Variants in KCND3 observed in about 807,000 individuals in gnomAD.
KCND3 encodes the protein potassium voltage-gated channel subfamily D member 3.
A neutral mutation model predicts 51.1 loss-of-function variants in KCND3; 9 were observed. The ratio of observed to expected loss-of-function variants is 0.18; its 90% CI spans 0.11 to 0.31. The LOEUF (loss-of-function observed/expected upper bound fraction) is 0.31. Among genes scored for constraint, KCND3 ranks in the 10% least tolerant of loss-of-function variants. KCND3 has a pLI of 1.00. For missense variants in KCND3, 526 were observed against 903.8 expected (o/e 0.58, Z 5.36); for synonymous variants, 349 against 368.0 (o/e 0.95, Z 0.59).
At chr1:111,785,441 T>C in intron 3 of KCND3, among the ~76,000 whole-genome samples, 1 of 151,960 alleles carries the variant, frequency 6.6e-6, no homozygotes, top group East Asian at 1.9e-4. Context: ...AGGTAGGAGA[T>C]AGGTGTGTAT....
intron 2 of KCND3, among the ~76,000 whole-genome samples, chr1:111,921,836 C>A (rs887660166): frequency 4.6e-5 from 7 of 152,032 alleles, no homozygotes; most frequent in Non-Finnish European, 4.4e-5. Context: ...GAAAGGGGTA[C>A]CCTGGCCTTG....
In KCND3 at chr1:111,982,291, G is replaced by C. The variant is rs575658111; in HGVS notation, c.436C>G (p.Arg146Gly). ...YKDRKRENAE[R>G]LMDDNDSENN... ...TCCGAGTCGTTGTCGTCCATGAGCC[G>C]CTCGGCGTTCTCCCTCTTGCGGTCC... The change falls in exon 2 of 8, where the codon CGG (arginine) becomes GGG (glycine). Residue 146 changes from arginine (R) to glycine (G), a missense_variant. By Grantham distance (125) the Arg-to-Gly change is moderately radical (BLOSUM62 -2). This residue lies in a region of KCND3 where 159 missense variants were observed against 262.8 expected (regional missense o/e 0.61). Transcript: ENST00000302127. The surrounding 1 kb of genome is among the most constrained non-coding windows in gnomAD (Gnocchi z 8.5). 6.2e-7 allele frequency: 1 copy of C among 1,614,064 alleles called. No homozygotes were observed. Among genetic ancestry groups the C allele is most frequent in the African/African-American group, 1.3e-5 (1 of 75,024 alleles).
chr1:111,806,469 C>A (rs1355312650), intron 2 of KCND3, among the ~76,000 whole-genome samples: 1 of 152,242 alleles, frequency 6.6e-6, no homozygotes, highest in South Asian at 2.1e-4. Context: ...ACCTGGGGAC[C>A]ATTTGATTGG....
At chr1:111,966,545 C>G (rs936727596) in intron 2 of KCND3, among the ~76,000 whole-genome samples, 3 of 152,126 alleles carry the variant, frequency 2.0e-5, no homozygotes, top group Non-Finnish European at 4.4e-5. Flanking sequence ...GGTGAGGTCC[C>G]TGAGTGGTGG....
chr1:111,833,381 T>C (rs899610770), intron 2 of KCND3, among the ~76,000 whole-genome samples: 1 of 152,230 alleles, frequency 6.6e-6, no homozygotes, highest in African/African-American at 2.4e-5. Context: ...TATATCCTTA[T>C]TGAATGGCCT....
intron 2 of KCND3, among the ~76,000 whole-genome samples, chr1:111,892,464 T>C (rs1409198606): frequency 6.6e-6 from 1 of 152,188 alleles, no homozygotes; most frequent in Non-Finnish European, 1.5e-5. Flanking sequence ...TCATGTGTAA[T>C]AAGAGCTCAA....
chr1:111,934,664 C>T (rs1007199082), intron 2 of KCND3, among the ~76,000 whole-genome samples: 2 of 152,196 alleles, frequency 1.3e-5, no homozygotes, highest in Admixed American at 1.3e-4. Flanking sequence ...TATGTTTGTG[C>T]ATGTGTGTGC....
intron 2 of KCND3, among the ~76,000 whole-genome samples, chr1:111,791,851 G>A (rs1349075376): frequency 1.3e-5 from 2 of 152,166 alleles, no homozygotes; most frequent in Non-Finnish European, 2.9e-5. Flanking sequence ...GAAGGACCTG[G>A]TTTAAAAAGA....
At chr1:111,810,724 G>C in intron 2 of KCND3, among the ~76,000 whole-genome samples, 1 of 152,330 alleles carries the variant, frequency 6.6e-6, no homozygotes, top group East Asian at 1.9e-4. Flanking sequence ...CTGTCAGCTC[G>C]AGGCTTTAAT....
At chr1:111,987,775 C>T (rs1011420466) in intron 1 of KCND3, among the ~76,000 whole-genome samples, 2 of 152,122 alleles carry the variant, frequency 1.3e-5, no homozygotes, top group Admixed American at 6.5e-5. Flanking sequence ...TTTACTAGGA[C>T]GTGGACGCCT....
chr1:111,844,789 G>C (rs1667476184), intron 2 of KCND3, among the ~76,000 whole-genome samples: 1 of 152,106 alleles, frequency 6.6e-6, no homozygotes, highest in South Asian at 2.1e-4. Context: ...ACTGGAGAAG[G>C]CAGCGTTCCT....
intron 2 of KCND3, among the ~76,000 whole-genome samples, chr1:111,951,318 A>G (rs1187541465): frequency 6.6e-6 from 1 of 152,164 alleles, no homozygotes; most frequent in East Asian, 1.9e-4. Flanking sequence ...GTGTGAGTCC[A>G]TGGTCCATAC....
At chr1:111,877,522 A>C (rs1669104123) in intron 2 of KCND3, among the ~76,000 whole-genome samples, 2 of 152,172 alleles carry the variant, frequency 1.3e-5, no homozygotes, top group South Asian at 4.1e-4. Flanking sequence ...CCCAGGAGAG[A>C]CTATGAGGCC....
intron 2 of KCND3, among the ~76,000 whole-genome samples, chr1:111,909,079 CT>C (rs1670795439): frequency 6.6e-6 from 1 of 151,704 alleles, no homozygotes; most frequent in South Asian, 2.1e-4. Context: ...TCTGAATTAA[CT>C]TCCTTTCTTC....
chr1:111,835,073 G>A (rs570926526), intron 2 of KCND3, among the ~76,000 whole-genome samples: 18 of 152,274 alleles, frequency 1.2e-4, no homozygotes, highest in African/African-American at 4.3e-4. Flanking sequence ...GAAACGCCAG[G>A]CAGATCATCC....
At chr1:111,850,897 G>A (rs747348014) in intron 2 of KCND3, among the ~76,000 whole-genome samples, 3 of 152,156 alleles carry the variant, frequency 2.0e-5, no homozygotes, top group East Asian at 1.9e-4. Flanking sequence ...GAGAAACCCC[G>A]TGTGGGGTTT....
chr1:111,837,684 GC>G (rs1190393989), intron 2 of KCND3, among the ~76,000 whole-genome samples: 1 of 152,170 alleles, frequency 6.6e-6, no homozygotes, highest in East Asian at 1.9e-4. Context: ...TGTATTCACA[GC>G]CATGTTGCCC....
At chr1:111,853,952 T>C (rs993895107) in intron 2 of KCND3, 3 of 152,234 alleles carry the variant, frequency 2.0e-5, no homozygotes, top group Non-Finnish European at 4.4e-5. Context: ...TATTCTCTGT[T>C]CACCAGCGTA....
chr1:111,874,862 A>G lies in KCND3; in HGVS notation c.1107-87756T>C, dbSNP rs1668983514. ...GGGCCTTTCCTTTGTGGAGCTGCTA[A>G]AAAACTGCTTCAAACATCTCGCTCC... is the stretch of plus-strand genomic sequence containing the variant. On this transcript the variant is annotated intron_variant, in intron 2 of 7. Transcript: ENST00000302127. 2.6e-5 allele frequency among the ~76,000 whole-genome samples: 4 copies of G among 152,180 alleles called. No individual in the cohort carries two copies. The South Asian group carries it at 8.3e-4, about 32-fold the overall frequency.
Sources: gnomAD v4.1 joint callset for allele counts (sites outside exome capture counted in the v4.1 genomes callset) on GRCh38, gnomAD v4.1.1 for gene constraint, gnomAD v4.1.1 regional missense constraint, Gnocchi (gnomAD v3.1) non-coding constraint, MANE v1.5 for transcripts, NCBI Gene and HGNC (gene_info 2026-07-23, HGNC 2026-07-21) for gene names.